The following NTRK2 variants were observed in gnomAD, a reference collection of about 807,000 sequenced individuals.
NTRK2 encodes neurotrophic receptor tyrosine kinase 2.
Under a neutral mutation model 94.5 loss-of-function variants are expected in NTRK2, and 13 were observed. The observed-to-expected ratio is 0.14, with a 90% CI of 0.09 to 0.22. NTRK2 has a LOEUF of 0.22. Ranked by LOEUF, NTRK2 falls within the 10% of genes least tolerant of loss-of-function variation. NTRK2 has a pLI of 1.00. For missense variants in NTRK2, 639 were observed against 1,071.2 expected (o/e 0.60, Z 5.63); for synonymous variants, 372 against 407.4 (o/e 0.91, Z 1.05).
At chr9:84,769,535 C>T (rs552908977) in intron 12 of NTRK2, among the ~76,000 whole-genome samples, 11 of 152,276 alleles carry the variant, frequency 7.2e-5, no homozygotes, top group South Asian at 2.1e-4. Flanking sequence ...AATGCATTGA[C>T]GATACAATTC....
intron 14 of NTRK2, among the ~76,000 whole-genome samples, chr9:84,870,565 C>T (rs1239378006): frequency 1.3e-5 from 2 of 151,338 alleles, no homozygotes; most frequent in African/African-American, 2.4e-5. Context: ...GTTGCCCAGG[C>T]TGGTCTTGAA....
chr9:84,778,937 A>G (rs775676506), intron 12 of NTRK2, among the ~76,000 whole-genome samples: 21 of 152,060 alleles, frequency 1.4e-4, no homozygotes, highest in Admixed American at 2.6e-4. Flanking sequence ...CACTTAGCCC[A>G]CCCCAGTGAG....
chr9:84,803,575 C>T (rs559563862), intron 12 of NTRK2, among the ~76,000 whole-genome samples: 1 of 152,130 alleles, frequency 6.6e-6, no homozygotes, highest in Non-Finnish European at 1.5e-5. Context: ...CTGGGGATGA[C>T]CACTTGAACT....
intron 14 of NTRK2, among the ~76,000 whole-genome samples, chr9:84,908,357 C>G (rs542958597): frequency 2.0e-5 from 3 of 152,302 alleles, no homozygotes; most frequent in African/African-American, 4.8e-5. Flanking sequence ...TTATGCCTTT[C>G]TAGTCTTTAA....
At chr9:85,007,009 A>G (rs1289907166) in intron 17 of NTRK2, among the ~76,000 whole-genome samples, 1 of 152,212 alleles carries the variant, frequency 6.6e-6, no homozygotes, top group Non-Finnish European at 1.5e-5. Context: ...CCCTAGGGCA[A>G]CCACATACAA....
intron 14 of NTRK2, among the ~76,000 whole-genome samples, chr9:84,922,861 G>C (rs149791321): frequency 1.3e-5 from 2 of 152,306 alleles, no homozygotes; most frequent in African/African-American, 4.8e-5. Context: ...GGTTTGAAAG[G>C]TTTTGAAAGT....
rs200564367 is a variant in NTRK2 at position 84,813,337 on chromosome 9, T to G, written c.1397-47703T>G. ...TTTAGGAGAAACATGAAACCTGGAT[T>G]TCGTGTGAAATGTCCCGATTGTTAA... On this transcript the variant is annotated intron_variant, in intron 12 of 18. Coordinates refer to ENST00000277120, the MANE Select transcript of NTRK2 (RefSeq NM_006180.6). 8.8e-6 allele frequency: 9 copies of G among 1,025,600 alleles called. No individual in the cohort carries two copies. The South Asian group carries it at 3.8e-4, about 43-fold the overall frequency. The allele number at this position is 1,025,600 out of a possible 1,614,324, so 63.5% of individuals were successfully genotyped here. A position where few individuals can be genotyped will look rare whatever the true frequency, so the allele number is the denominator to read the frequency against.
At chr9:84,871,805 C>T in intron 14 of NTRK2, 1 of 1,613,730 alleles carries the variant, frequency 6.2e-7, no homozygotes, top group Non-Finnish European at 8.5e-7. Flanking sequence ...GAGGTTCCCC[C>T]AAGACCGCCT....
intron 12 of NTRK2, among the ~76,000 whole-genome samples, chr9:84,777,749 G>A (rs1376802519): frequency 6.6e-6 from 1 of 152,170 alleles, no homozygotes; most frequent in Non-Finnish European, 1.5e-5. Flanking sequence ...GCTGTCTCTA[G>A]CAAGCCATTG....
chr9:84,822,983 C>T (rs2072948054), intron 12 of NTRK2, among the ~76,000 whole-genome samples: 1 of 152,160 alleles, frequency 6.6e-6, no homozygotes, highest in South Asian at 2.1e-4. Flanking sequence ...CCAACCTACA[C>T]CCTGGACACT....
chr9:84,723,798 T>C, intron 7 of NTRK2, 89 bp downstream of exon 7: 3 of 1,535,598 alleles, frequency 2.0e-6, no homozygotes, highest in Non-Finnish European at 1.8e-6. Flanking sequence ...GATCATTTGA[T>C]ATTTTATAAG....
intron 17 of NTRK2, among the ~76,000 whole-genome samples, chr9:85,006,554 C>A (rs1032676706): frequency 1.3e-5 from 2 of 152,174 alleles, no homozygotes; most frequent in Non-Finnish European, 2.9e-5. Context: ...TGGCTTCATG[C>A]AGTGAAGGTG....
intron 2 of NTRK2, among the ~76,000 whole-genome samples, chr9:84,671,225 A>G (rs919943769): frequency 1.3e-5 from 2 of 152,188 alleles, no homozygotes; most frequent in African/African-American, 2.4e-5. Flanking sequence ...GAAGGAACTC[A>G]CTATGCTTTT....
chr9:84,705,223 A>C (rs1240456313), intron 4 of NTRK2, among the ~76,000 whole-genome samples: 2 of 151,884 alleles, frequency 1.3e-5, no homozygotes, highest in Admixed American at 1.3e-4. Flanking sequence ...CCATGTGAGC[A>C]TCACATGGGG....
chr9:84,698,282 T>C (rs1462555770), intron 2 of NTRK2, among the ~76,000 whole-genome samples: 1 of 152,114 alleles, frequency 6.6e-6, no homozygotes, highest in Non-Finnish European at 1.5e-5. Context: ...ACACAGATTG[T>C]TTTATGTTAC....
chr9:85,021,904 C>T lies in NTRK2; in HGVS notation c.*467C>T. Reference sequence around the variant, plus strand: ...TGATGTGGATGAAAAAAAGGGAAAACAAATATTTCACTTAAACTTTGTCAC... The same window carrying T: ...TGATGTGGATGAAAAAAAGGGAAAATAAATATTTCACTTAAACTTTGTCAC... On this transcript the variant is annotated 3_prime_UTR_variant, in exon 19 of 19. Coordinates refer to ENST00000277120, the MANE Select transcript of NTRK2 (RefSeq NM_006180.6). The T allele has an allele frequency of 3.7e-6, 1 of 267,536 alleles. No homozygotes were observed. The highest frequency in any genetic ancestry group is 5.4e-5 in the East Asian group (1 of 18,366). 16.6% of individuals were successfully genotyped at this position (267,536 alleles called of 1,614,324 possible).
chr9:84,890,101 G>C (rs1309798160), intron 14 of NTRK2, among the ~76,000 whole-genome samples: 1 of 152,124 alleles, frequency 6.6e-6, no homozygotes, highest in African/African-American at 2.4e-5. Flanking sequence ...GCATCTTCAG[G>C]GATTTCCAAT....
At chr9:85,004,045 G>GAAAGAAAGAAAAGAAAGAAAGAAAA (rs1830655009) in intron 17 of NTRK2, among the ~76,000 whole-genome samples, 1 of 130,270 alleles carries the variant, frequency 7.7e-6, no homozygotes, top group African/African-American at 2.9e-5. Context: ...GAGAAAGAAA[G>GAAAGAAAGAAAAGAAAGAAAGAAAA]GGAGAAAGAG....
chr9:84,752,724 A>G (rs1432544388), intron 12 of NTRK2, among the ~76,000 whole-genome samples: 5 of 152,166 alleles, frequency 3.3e-5, no homozygotes, highest in Non-Finnish European at 7.4e-5. Context: ...TACAGGGAAA[A>G]CTTGTATAAA....
Sources: allele counts gnomAD v4.1 joint callset (sites outside exome capture counted in the v4.1 genomes callset), GRCh38; gene constraint gnomAD v4.1.1; transcripts MANE v1.5; gene names NCBI Gene and HGNC (gene_info 2026-07-23, HGNC 2026-07-21).